WDR70: variants seen among roughly 807,000 people sequenced by gnomAD.
WDR70 encodes WD repeat domain 70, also known as WD repeat-containing protein 70.
A neutral mutation model predicts 88.6 loss-of-function variants in WDR70; 53 were observed. The ratio of observed to expected loss-of-function variants is 0.60; its 90% confidence interval spans 0.48 to 0.75. The LOEUF (loss-of-function observed/expected upper bound fraction) is 0.75, where lower values mean the gene tolerates loss of function less well. Among genes scored for constraint, WDR70 ranks in the 30% least tolerant of loss-of-function variants. The probability of loss-of-function intolerance (pLI) is 0.00; values close to 1 mark genes in which losing one functional copy is unlikely to be tolerated. For synonymous variants in WDR70, 280 were observed against 270.0 expected (o/e 1.04, Z -0.36); for missense variants, 610 against 823.2 (o/e 0.74, Z 3.17).
intron 9 of WDR70, among the ~76,000 whole-genome samples, chr5:37,542,246 A>T (rs1242346357): frequency 2.0e-5 from 3 of 151,942 alleles, no homozygotes; most frequent in Non-Finnish European, 4.4e-5. Flanking sequence ...ACAGACATTA[A>T]ATCTAGTCGC....
At chr5:37,421,433 C>T (rs1749943565) in intron 5 of WDR70, among the ~76,000 whole-genome samples, 1 of 152,208 alleles carries the variant, frequency 6.6e-6, no homozygotes, top group African/African-American at 2.4e-5. Flanking sequence ...TTGTAAGGTA[C>T]TTTGTGACAG....
chr5:37,383,731 C>T (rs1452376777), intron 3 of WDR70, among the ~76,000 whole-genome samples: 1 of 152,082 alleles, frequency 6.6e-6, no homozygotes, highest in African/African-American at 2.4e-5. Flanking sequence ...AGGTGCCTGC[C>T]AACACGCCTG....
intron 9 of WDR70, among the ~76,000 whole-genome samples, chr5:37,571,262 AC>A (rs1469445948): frequency 6.6e-6 from 1 of 152,220 alleles, no homozygotes; most frequent in Admixed American, 6.5e-5. Context: ...ACATTCAAAT[AC>A]AAATTGCAAT....
intron 13 of WDR70, among the ~76,000 whole-genome samples, chr5:37,710,204 A>C (rs1747467705): frequency 6.6e-6 from 1 of 152,204 alleles, no homozygotes; most frequent in African/African-American, 2.4e-5. Context: ...TATTTTAAAA[A>C]ATTATGATAC....
chr5:37,699,991 C>G (rs1031497954), intron 11 of WDR70, among the ~76,000 whole-genome samples: 1 of 150,998 alleles, frequency 6.6e-6, no homozygotes, highest in Non-Finnish European at 1.5e-5. Flanking sequence ...AAAAAACAGA[C>G]TAAAAGCAAT....
At chr5:37,634,320 A>AG (rs1491537601) in intron 10 of WDR70, among the ~76,000 whole-genome samples, 1 of 151,566 alleles carries the variant, frequency 6.6e-6, no homozygotes, top group Admixed American at 6.6e-5. Flanking sequence ...AAGAAAAAAA[A>AG]GAAAAAAAAA....
At chr5:37,457,165 G>A (rs1370830166) in intron 7 of WDR70, among the ~76,000 whole-genome samples, 1 of 151,938 alleles carries the variant, frequency 6.6e-6, no homozygotes, top group East Asian at 1.9e-4. Context: ...GCGCAATCTT[G>A]GCTCACCACA....
intron 17 of WDR70, among the ~76,000 whole-genome samples, chr5:37,748,451 C>T (rs1748700421): frequency 6.6e-6 from 1 of 152,188 alleles, no homozygotes; most frequent in Non-Finnish European, 1.5e-5. Flanking sequence ...ATACCTTATA[C>T]AAGAATTAAC....
intron 5 of WDR70, among the ~76,000 whole-genome samples, chr5:37,401,011 G>T (rs567878817): frequency 6.6e-6 from 1 of 151,920 alleles, no homozygotes; most frequent in African/African-American, 2.4e-5. Flanking sequence ...CAGTTTTTGT[G>T]TTTTTTTGAG....
chr5:37,740,944 T>C (rs1344526560), intron 17 of WDR70, among the ~76,000 whole-genome samples: 1 of 152,228 alleles, frequency 6.6e-6, no homozygotes, highest in Non-Finnish European at 1.5e-5. Flanking sequence ...AAATGTAGAA[T>C]TCAGAGTAAC....
At chr5:37,483,439 C>G (rs1270013472) in intron 8 of WDR70, among the ~76,000 whole-genome samples, 3 of 152,332 alleles carry the variant, frequency 2.0e-5, no homozygotes, top group Admixed American at 6.5e-5. Context: ...AGATCAATAG[C>G]ATCCCAAAGC....
intron 17 of WDR70, among the ~76,000 whole-genome samples, chr5:37,746,246 G>T (rs1216357357): frequency 6.6e-6 from 1 of 152,072 alleles, no homozygotes. Context: ...AAGAGACAAT[G>T]TTCCAGAATT....
At chr5:37,625,224 G>A (rs968864441) in intron 10 of WDR70, among the ~76,000 whole-genome samples, 12 of 152,074 alleles carry the variant, frequency 7.9e-5, no homozygotes, top group South Asian at 6.2e-4. Flanking sequence ...GCTGGATCAT[G>A]TGGTAGTTCC....
intron 5 of WDR70, among the ~76,000 whole-genome samples, chr5:37,437,651 T>A (rs1750508473): frequency 6.6e-6 from 1 of 152,268 alleles, no homozygotes; most frequent in South Asian, 2.1e-4. Flanking sequence ...CAATTTATGT[T>A]GACAATAAGA....
chr5:37,470,018 T>A (rs1478662848), intron 7 of WDR70, among the ~76,000 whole-genome samples: 1 of 152,178 alleles, frequency 6.6e-6, no homozygotes, highest in African/African-American at 2.4e-5. Context: ...TCACCTTTTA[T>A]TGTATAAAAT....
At chr5:37,749,391 G>A in intron 17 of WDR70, among the ~76,000 whole-genome samples, 2 of 152,100 alleles carry the variant, frequency 1.3e-5, no homozygotes, top group Non-Finnish European at 2.9e-5. Flanking sequence ...ATAAGTGGGA[G>A]TTGAACATTG....
intron 3 of WDR70, among the ~76,000 whole-genome samples, chr5:37,384,809 TAGG>T (rs752295136): frequency 4.1e-4 from 63 of 152,130 alleles, no homozygotes; most frequent in Non-Finnish European, 6.9e-4. Flanking sequence ...ACCAGATATG[TAGG>T]AGTTTTCCCC....
At chr5:37,449,590 C>CAAAAA (rs376148041) in intron 7 of WDR70, among the ~76,000 whole-genome samples, 17 of 85,738 alleles carry the variant, frequency 2.0e-4, no homozygotes, top group African/African-American at 6.4e-4. Context: ...AATTTTGTCT[C>CAAAAA]AAAAAAAAAA....
intron 10 of WDR70, among the ~76,000 whole-genome samples, chr5:37,653,742 A>G (rs1745472885): frequency 6.6e-6 from 1 of 152,170 alleles, no homozygotes; most frequent in Non-Finnish European, 1.5e-5. Context: ...TGTTTATAGT[A>G]TTCTCTGATG....
Sources: gnomAD v4.1 joint callset for allele counts (sites outside exome capture counted in the v4.1 genomes callset) on GRCh38, gnomAD v4.1.1 for gene constraint, MANE v1.5 for transcripts, NCBI Gene and HGNC (gene_info 2026-07-23, HGNC 2026-07-21) for gene names.